ENDOD1: variants seen among roughly 807,000 people sequenced by gnomAD.
ENDOD1 encodes endonuclease domain-containing 1 protein.
In ENDOD1, 9 loss-of-function variants were observed where a neutral mutation model predicts 6.5. The ratio of observed to expected loss-of-function variants is 1.39; its 90% CI spans 0.84 to 2.43. The LOEUF is 2.43. Ranked by LOEUF, ENDOD1 falls within the 30% of genes most tolerant of loss-of-function variation. The pLI is 0.00. For missense variants in ENDOD1, 648 were observed against 635.5 expected (o/e 1.02, Z -0.21); for synonymous variants, 255 against 255.2 (o/e 1.00, Z 0.01).
At chr11:95,101,371 C>T (rs1288109264) in intron 1 of ENDOD1, among the ~76,000 whole-genome samples, 1 of 152,038 alleles carries the variant, frequency 6.6e-6, no homozygotes, top group African/African-American at 2.4e-5. Flanking sequence ...GAGCACTTGG[C>T]AAATATGGAT....
At chr11:95,127,212 G>T (rs752915915) in intron 1 of ENDOD1, among the ~76,000 whole-genome samples, 2 of 152,182 alleles carry the variant, frequency 1.3e-5, no homozygotes, top group South Asian at 2.1e-4. Flanking sequence ...GAATTTACAA[G>T]TTAGTTTGGG....
chr11:95,113,797 T>C (rs1394658174), intron 1 of ENDOD1, among the ~76,000 whole-genome samples: 1 of 152,240 alleles, frequency 6.6e-6, no homozygotes, highest in Non-Finnish European at 1.5e-5. Context: ...ATTGTCACTC[T>C]ATTTTTAGTT....
intron 1 of ENDOD1, among the ~76,000 whole-genome samples, chr11:95,113,951 A>G (rs1348995422): frequency 2.0e-5 from 3 of 152,006 alleles, no homozygotes; most frequent in Non-Finnish European, 2.9e-5. Context: ...TATCTTTTGG[A>G]TATAAGCCAT....
In ENDOD1 at chr11:95,129,218, C is replaced by T; in HGVS notation, c.1142C>T (p.Ser381Leu). Residue 381 changes from serine (S) to leucine (L), a missense_variant, in exon 2 of 2, where the codon TCA (serine) becomes TTA (leucine). Coordinates refer to ENST00000278505, the MANE Select transcript of ENDOD1 (RefSeq NM_015036.3). ...GIESCLYRLGSATISYFMAIG... is the reference protein window; with the variant it reads ...GIESCLYRLGLATISYFMAIG... ...GAAAGTTGCCTTTACCGCCTGGGCT[C>T]AGCCACCATCTCATACTTCATGGCC... The T allele has an allele frequency of 6.2e-7, 1 of 1,614,206 alleles. No homozygotes were observed. Among genetic ancestry groups the T allele is most frequent in the Non-Finnish European group, 8.5e-7 (1 of 1,180,044 alleles).
At chr11:95,121,498 G>C (rs77476789) in intron 1 of ENDOD1, among the ~76,000 whole-genome samples, 5,306 of 152,260 alleles carry the variant, frequency 0.035, 133 homozygotes, top group Non-Finnish European at 0.05. Flanking sequence ...TGCAGTGCTA[G>C]TCATCCATAA....
chr11:95,128,373 G>A lies in ENDOD1; in HGVS notation c.301-4G>A, dbSNP rs376693169. ...GCATCTCACCACTTGTTTTCTTCTT[G>A]CAGATCGATGACCCCAACAGCAACC... On this transcript the variant is annotated splice_polypyrimidine_tract_variant and splice_region_variant and intron_variant, in intron 1 of 1. Coordinates refer to ENST00000278505, the MANE Select transcript of ENDOD1 (RefSeq NM_015036.3). 6.8e-6 allele frequency: 11 copies of A among 1,608,502 alleles called. No homozygotes were observed. In the African/African-American group the frequency reaches 1.3e-4, roughly 20 times the overall value.
At chr11:95,093,437 C>T (rs1291537917) in intron 1 of ENDOD1, among the ~76,000 whole-genome samples, 1 of 152,204 alleles carries the variant, frequency 6.6e-6, no homozygotes, top group Non-Finnish European at 1.5e-5. Flanking sequence ...GGTGTCACCT[C>T]CTCCAGAAAG....
rs1351623088 is a variant in ENDOD1 at position 95,090,108 on chromosome 11, G to A, written c.181G>A (p.Gly61Ser). The A allele has an allele frequency of 6.4e-5, 101 of 1,584,360 alleles. No homozygotes were observed. The highest frequency in any genetic ancestry group is 8.4e-5 in the Non-Finnish European group (98 of 1,167,484). ...CGTGAAGATCTGTCAGCGCGCGGAG[G>A]GTGCTGAGCGCTTCGCCACCCTCTA... ...SHVKICQRAEGAERFATLYST... is the reference protein window; with the variant it reads ...SHVKICQRAESAERFATLYST... Residue 61 changes from glycine (G) to serine (S), a missense_variant, in exon 1 of 2, where the codon GGT (glycine) becomes AGT (serine). By Grantham distance (56) the Gly-to-Ser change is moderately conservative (BLOSUM62 0). Transcript: ENST00000278505.
chr11:95,090,102 G>A lies in ENDOD1; in HGVS notation c.175G>A (p.Ala59Thr). ...TTCCCACGTGAAGATCTGTCAGCGC[G>A]CGGAGGGTGCTGAGCGCTTCGCCAC... ...ADSHVKICQRAEGAERFATLY... is the reference protein window; with the variant it reads ...ADSHVKICQRTEGAERFATLY... Residue 59 changes from alanine to threonine, a missense_variant, in exon 1 of 2, where the codon GCG becomes ACG. Ala to Thr is a moderately conservative substitution (Grantham distance 58, BLOSUM62 0). Coordinates refer to ENST00000278505, the MANE Select transcript of ENDOD1 (RefSeq NM_015036.3). The A allele has an allele frequency of 6.3e-7, 1 of 1,592,306 alleles. No homozygotes were observed. Among genetic ancestry groups the A allele is most frequent in the South Asian group, 1.1e-5 (1 of 87,366 alleles).
At position 95,129,772 on chromosome 11, in the gene ENDOD1, T is replaced by C. The variant is rs1302042262; in HGVS notation, c.*193T>C. The C allele has an allele frequency of 4.9e-6, 3 of 609,694 alleles. No homozygotes were observed. The highest frequency in any genetic ancestry group is 8.5e-6 in the Non-Finnish European group (3 of 353,728). The allele number at this position is 609,694 out of a possible 1,614,324, so 37.8% of individuals were successfully genotyped here. A position where few individuals can be genotyped will look rare whatever the true frequency, so the allele number is the denominator to read the frequency against. Reference sequence around the variant, plus strand: ...GAAATGCTCAGGGTGAGATTAGGTGTAGTAATCTGCTGTTTACCTCCAGTT... The same window carrying C: ...GAAATGCTCAGGGTGAGATTAGGTGCAGTAATCTGCTGTTTACCTCCAGTT... On this transcript the variant is annotated 3_prime_UTR_variant, in exon 2 of 2. Transcript: ENST00000278505.
chr11:95,103,442 A>G (rs1859060861), intron 1 of ENDOD1, among the ~76,000 whole-genome samples: 1 of 152,224 alleles, frequency 6.6e-6, no homozygotes, highest in Admixed American at 6.5e-5. Context: ...TTTCATCAGC[A>G]TGAAAACCGT....
intron 1 of ENDOD1, among the ~76,000 whole-genome samples, chr11:95,108,290 T>C (rs1053812446): frequency 1.3e-5 from 2 of 152,202 alleles, no homozygotes; most frequent in Non-Finnish European, 2.9e-5. Context: ...GTCTTTGTTT[T>C]CCCACAGTTT....
chr11:95,107,827 A>G (rs1859105575), intron 1 of ENDOD1, among the ~76,000 whole-genome samples: 1 of 151,810 alleles, frequency 6.6e-6, no homozygotes, highest in South Asian at 2.1e-4. Flanking sequence ...CGCCCGGCTA[A>G]TTTTTTTGTA....
chr11:95,097,994 A>AT (rs199975713), intron 1 of ENDOD1, among the ~76,000 whole-genome samples: 2,546 of 151,564 alleles, frequency 0.017, 69 homozygotes, highest in African/African-American at 0.057. Context: ...CAGTTTGAAG[A>AT]TTTTTTTTTG....
intron 1 of ENDOD1, among the ~76,000 whole-genome samples, chr11:95,116,002 T>C (rs1591017219): frequency 6.6e-6 from 1 of 152,212 alleles, no homozygotes; most frequent in East Asian, 1.9e-4. Flanking sequence ...ACTGACCTCA[T>C]AGAATGTGTT....
intron 1 of ENDOD1, among the ~76,000 whole-genome samples, chr11:95,106,205 G>A (rs1415814487): frequency 6.6e-6 from 1 of 152,192 alleles, no homozygotes; most frequent in Non-Finnish European, 1.5e-5. Context: ...GAGGGGAGAT[G>A]GATCTGGAAG....
intron 1 of ENDOD1, among the ~76,000 whole-genome samples, chr11:95,127,752 A>C (rs2134175766): frequency 8.0e-6 from 1 of 124,794 alleles, no homozygotes; most frequent in South Asian, 2.7e-4. Context: ...GAAGTTCATG[A>C]AACTACAACA....
At position 95,132,176 on chromosome 11, in the gene ENDOD1, T is replaced by G. The variant is rs1198345200; in HGVS notation, c.*2597T>G. On this transcript the variant is annotated 3_prime_UTR_variant, in exon 2 of 2. Transcript: ENST00000278505. ...ATTAGCCTCTTCCTCATTATGGAGC[T>G]GATTTTCTAGTCTGTGGATCAGCTA... 1.3e-5 allele frequency: 2 copies of G among 152,676 alleles called. No individual in the cohort carries two copies. Among genetic ancestry groups the G allele is most frequent in the African/African-American group, 4.8e-5 (2 of 41,466 alleles). 9.5% of individuals were successfully genotyped at this position (152,676 alleles called of 1,614,324 possible).
At chr11:95,098,511 C>A (rs1270803894) in intron 1 of ENDOD1, among the ~76,000 whole-genome samples, 1 of 152,078 alleles carries the variant, frequency 6.6e-6, no homozygotes, top group Non-Finnish European at 1.5e-5. Context: ...ACATTTAATT[C>A]ATCACATTAA....
Sources: allele counts gnomAD v4.1 joint callset (sites outside exome capture counted in the v4.1 genomes callset), GRCh38; gene constraint gnomAD v4.1.1; transcripts MANE v1.5; gene names NCBI Gene and HGNC (gene_info 2026-07-23, HGNC 2026-07-21).